The following MPP2 variants were observed in gnomAD, a reference collection of about 807,000 sequenced individuals.
MPP2 encodes MAGUK p55 subfamily member 2.
In MPP2, 42 loss-of-function variants were observed where a neutral mutation model predicts 58.5. The ratio of observed to expected loss-of-function variants is 0.72; its 90% CI spans 0.56 to 0.93. The LOEUF (loss-of-function observed/expected upper bound fraction) is 0.93. Ranked by LOEUF, MPP2 falls within the 40% of genes least tolerant of loss-of-function variation. MPP2 has a pLI of 0.00. For synonymous variants in MPP2, 300 were observed against 307.8 expected (o/e 0.97, Z 0.26); for missense variants, 632 against 760.4 (o/e 0.83, Z 1.99).
At chr17:43,907,603 G>C (rs548406019), upstream of MPP2, 1 of 985,600 alleles carries the variant, frequency 1.0e-6, no homozygotes, top group South Asian at 4.7e-5. Context: ...GAGGTCCGGA[G>C]GAGAGGGGAG....
chr17:43,901,615 C>A, intron 2 of MPP2: 1 of 983,098 alleles, frequency 1.0e-6, no homozygotes, highest in Non-Finnish European at 1.2e-6. Flanking sequence ...GGACAGTAAC[C>A]CAGGGATGGA....
At chr17:43,885,431 C>T (rs569614629) in intron 3 of MPP2, among the ~76,000 whole-genome samples, 44 of 152,254 alleles carry the variant, frequency 2.9e-4, no homozygotes, top group African/African-American at 9.1e-4. Flanking sequence ...ACCCTGATTC[C>T]TTTTAGCAGG....
In MPP2 at chr17:43,882,574, T is replaced by C. The variant is rs929496514; in HGVS notation, c.454-63A>G. The C allele has an allele frequency of 2.3e-5, 34 of 1,488,940 alleles. No individual in the cohort carries two copies. In the Admixed American group the frequency reaches 2.9e-4, roughly 13 times the overall value. The allele number at this position is 1,488,940 out of a possible 1,614,324, so 92.2% of individuals were successfully genotyped here. On this transcript the variant is annotated intron_variant, in intron 5 of 12. Coordinates refer to ENST00000269095, the MANE Select transcript of MPP2 (RefSeq NM_005374.5). ...GCTCCAAGTCAGAATCTTCAAATAGTCTCCTAATAGCTCCTCCATTCCTGT... is the reference window on the plus strand; with the variant it reads ...GCTCCAAGTCAGAATCTTCAAATAGCCTCCTAATAGCTCCTCCATTCCTGT...
chr17:43,899,630 G>C (rs231493), intron 2 of MPP2, among the ~76,000 whole-genome samples: 121,777 of 152,118 alleles, frequency 0.8, 49,773 homozygotes, highest in East Asian at 1. Flanking sequence ...GGCCTGGAAC[G>C]CTGGCAGGAG....
chr17:43,900,581 A>C (rs1390342001), intron 2 of MPP2: 5 of 1,532,228 alleles, frequency 3.3e-6, no homozygotes, highest in Non-Finnish European at 4.4e-6. Context: ...GGACTCCCGG[A>C]GCGTCCTACA....
chr17:43,893,284 C>G (rs915001679), intron 3 of MPP2, among the ~76,000 whole-genome samples: 1 of 152,172 alleles, frequency 6.6e-6, no homozygotes, highest in Non-Finnish European at 1.5e-5. Flanking sequence ...ACTCTGAAAT[C>G]AATTTTGGAA....
chr17:43,899,393 C>G (rs1285559459), intron 2 of MPP2, among the ~76,000 whole-genome samples: 1 of 8,054 alleles, frequency 1.2e-4, no homozygotes, highest in African/African-American at 1.7e-4. Context: ...AGTACAGGCC[C>G]AGAGTCAAGC....
At chr17:43,893,277 C>G (rs570660351) in intron 3 of MPP2, among the ~76,000 whole-genome samples, 1 of 152,326 alleles carries the variant, frequency 6.6e-6, no homozygotes, top group East Asian at 1.9e-4. Context: ...AAACCCAACT[C>G]TGAAATCAAT....
rs762372437 is a variant in MPP2 at position 43,883,291 on chromosome 17, T to C, written c.215A>G (p.Gln72Arg). ...AVRDNNLELV[Q>R]EILRDLAQLA... ...CTGCGCCAGGTCCCGCAGGATCTCC[T>C]GCACCAGCTCCAGGTTGTTGTCTCT... The change falls in exon 4 of 13, where the codon CAG (glutamine) becomes CGG (arginine). Residue 72 changes from glutamine to arginine, a missense_variant. Physicochemically the swap from Gln to Arg is conservative, Grantham distance 43 (BLOSUM62 1). Coordinates refer to ENST00000269095, the MANE Select transcript of MPP2 (RefSeq NM_005374.5). 6.2e-7 allele frequency: 1 copy of C among 1,613,242 alleles called. No individual in the cohort carries two copies. The highest frequency in any genetic ancestry group is 2.2e-5 in the East Asian group (1 of 44,884).
chr17:43,891,682 G>C (rs1204004444), intron 3 of MPP2, among the ~76,000 whole-genome samples: 1 of 151,940 alleles, frequency 6.6e-6, no homozygotes, highest in African/African-American at 2.4e-5. Context: ...GATCACTTGA[G>C]CTCAGGAGTT....
intron 1 of MPP2, chr17:43,907,251 G>A: frequency 1.0e-6 from 1 of 985,566 alleles, no homozygotes; most frequent in Non-Finnish European, 1.2e-6. Context: ...CTACCGCAGG[G>A]GCGGGGACCA....
chr17:43,877,915 G>T lies in MPP2; in HGVS notation c.1551C>A (p.Asp517Glu). 1 of 1,614,084 alleles carries T rather than the reference G, an allele frequency of 6.2e-7. No individual in the cohort carries two copies. Among genetic ancestry groups the T allele is most frequent in the Non-Finnish European group, 8.5e-7 (1 of 1,179,968 alleles). The change falls in exon 13 of 13, where the codon GAC becomes GAA. Residue 517 changes from aspartate (D) to glutamate (E), a missense_variant. Physicochemically the swap from Asp to Glu is conservative, Grantham distance 45. Coordinates refer to ENST00000269095, the MANE Select transcript of MPP2 (RefSeq NM_005374.5). ...RIQRGYGHYF[D>E]LCLVNSNLER... ...CCAGGTTGCTATTGACCAGGCAGAG[G>T]TCAAAGTAGTGCCCGTAGCCCCGCT...
In MPP2 at chr17:43,880,071, C is replaced by T. The variant is rs994463010; in HGVS notation, c.1151-87G>A. The T allele has an allele frequency of 2.9e-5, 38 of 1,321,870 alleles. No individual in the cohort carries two copies. In the African/African-American group the frequency reaches 5.4e-4, roughly 19 times the overall value. 81.9% of individuals were successfully genotyped at this position (1,321,870 alleles called of 1,614,324 possible). On this transcript the variant is annotated intron_variant, in intron 10 of 12. Coordinates refer to ENST00000269095, the MANE Select transcript of MPP2 (RefSeq NM_005374.5). This position sits in a 1 kb window ranked among gnomAD's most constrained non-coding sequence, Gnocchi z 5.2. ...ATATATGCACCCCTACCCAGGCCCC[C>T]GTTTCCCAGCCTTGGAGGTGCAGTC...
chr17:43,906,729 C>T (rs2048304194), intron 1 of MPP2, among the ~76,000 whole-genome samples: 3 of 152,092 alleles, frequency 2.0e-5, no homozygotes, highest in Non-Finnish European at 4.4e-5. Flanking sequence ...ACCCTGGGCG[C>T]TAGGACCTGG....
At position 43,880,105 on chromosome 17, in the gene MPP2, A is replaced by G; in HGVS notation, c.1151-121T>C. On this transcript the variant is annotated intron_variant, in intron 10 of 12. Coordinates refer to ENST00000269095, the MANE Select transcript of MPP2 (RefSeq NM_005374.5). This position sits in a 1 kb window ranked among gnomAD's most constrained non-coding sequence, Gnocchi z 5.2. ...GCCTTGGAGGTGCAGTCTGCTCCCCATCTTGCCAGCACTGCTGCCTTTGCA... is the reference window on the plus strand; with the variant it reads ...GCCTTGGAGGTGCAGTCTGCTCCCCGTCTTGCCAGCACTGCTGCCTTTGCA... 1 of 907,664 alleles carries G rather than the reference A, an allele frequency of 1.1e-6. No homozygotes were observed. The highest frequency in any genetic ancestry group is 2.1e-5 in the Admixed American group (1 of 46,842). The allele number at this position is 907,664 out of a possible 1,614,324, so 56.2% of individuals were successfully genotyped here.
intron 1 of MPP2, chr17:43,907,243 A>G: frequency 5.1e-6 from 5 of 985,142 alleles, no homozygotes; most frequent in Non-Finnish European, 6.0e-6. Flanking sequence ...TGGAGCCCCT[A>G]CCGCAGGGGC....
In MPP2 at chr17:43,882,994, C is replaced by G; in HGVS notation, c.362G>C (p.Ser121Thr). ...GCTGAATGTAGGGTCCAGGCCAGGG[C>G]TGGGGGGTGGTGTCTCATAGGTCTT... ...ASKTYETPPP[S>T]PGLDPTFSNQ... is the part of the protein sequence containing the mutation. Residue 121 changes from serine to threonine, a missense_variant, in exon 5 of 13, where the codon AGC becomes ACC. Coordinates refer to ENST00000269095, the MANE Select transcript of MPP2 (RefSeq NM_005374.5). The G allele has an allele frequency of 6.2e-7, 1 of 1,610,256 alleles. No homozygotes were observed. Among genetic ancestry groups the G allele is most frequent in the East Asian group, 2.2e-5 (1 of 44,824 alleles).
chr17:43,880,608 A>T lies in MPP2; in HGVS notation c.1150+83T>A. ...ACCACCTGGCCTGGTGCCCATGAAGATGCCCATTCGGTGGGCCCAGCCCTG... is the reference window on the plus strand; with the variant it reads ...ACCACCTGGCCTGGTGCCCATGAAGTTGCCCATTCGGTGGGCCCAGCCCTG... On this transcript the variant is annotated intron_variant, in intron 10 of 12. Transcript: ENST00000269095. This position sits in a 1 kb window ranked among gnomAD's most constrained non-coding sequence, Gnocchi z 5.2. 2 of 1,458,032 alleles carry T rather than the reference A, an allele frequency of 1.4e-6. No homozygotes were observed. The highest frequency in any genetic ancestry group is 1.4e-5 in the South Asian group (1 of 70,928). 90.3% of individuals were successfully genotyped at this position (1,458,032 alleles called of 1,614,324 possible). A position where few individuals can be genotyped will look rare whatever the true frequency, so the allele number is the denominator to read the frequency against.
In MPP2 at chr17:43,882,359, C is replaced by T. The variant is rs1329125055; in HGVS notation, c.606G>A (p.Glu202=). The T allele has an allele frequency of 6.2e-7, 1 of 1,612,368 alleles. No homozygotes were observed. Among genetic ancestry groups the T allele is most frequent in the African/African-American group, 1.3e-5 (1 of 74,932 alleles). ...CACTGCCACTGGCATTGCGCAGGAG[C>T]TCCTGCAGTGCGCGGGGGTCACTGC... is the stretch of plus-strand genomic sequence containing the variant. ...PVGSDPRALQ[E]LLRNASGSVI... is the part of the protein sequence containing the mutation. Residue 202 remains glutamate (E), a synonymous_variant, in exon 6 of 13, where the codon GAG becomes GAA. Coordinates refer to ENST00000269095, the MANE Select transcript of MPP2 (RefSeq NM_005374.5).
Sources: allele counts gnomAD v4.1 joint callset (sites outside exome capture counted in the v4.1 genomes callset), GRCh38; gene constraint gnomAD v4.1.1; non-coding constraint Gnocchi (gnomAD v3.1); transcripts MANE v1.5; gene names NCBI Gene and HGNC (gene_info 2026-07-23, HGNC 2026-07-21).